The following PJA2 variants were observed in gnomAD, a reference collection of about 807,000 sequenced individuals.
PJA2 encodes praja ring finger ubiquitin ligase 2, also known as E3 ubiquitin-protein ligase Praja-2.
Under a neutral mutation model 69.3 loss-of-function variants are expected in PJA2, and 25 were observed. The ratio of observed to expected loss-of-function variants is 0.36; its 90% CI spans 0.26 to 0.50. The LOEUF (loss-of-function observed/expected upper bound fraction) is 0.50. Ranked by LOEUF, PJA2 falls within the 20% of genes least tolerant of loss-of-function variation. The pLI is 0.96. For missense variants in PJA2, 809 were observed against 830.2 expected, an observed-to-expected ratio of 0.97 and a Z score of 0.31; for synonymous variants, 308 against 277.8, an observed-to-expected ratio of 1.11 and a Z score of -1.08.
At position 109,342,587 on chromosome 5, in the gene PJA2, G is replaced by A. The variant is rs1347337392; in HGVS notation, c.2001+1603C>T. 1.3e-4 allele frequency among the ~76,000 whole-genome samples: 11 copies of A among 84,166 alleles called. No homozygotes were observed. In the South Asian group the frequency reaches 3.2e-3, roughly 24 times the overall value. The allele number at this position is 84,166 out of a possible 152,430, so 55.2% of individuals were successfully genotyped here. ...CGGGAGGTGAGGGGCGCCTCTGCCCGGCCGCCCCTACTGGGAAGTGAGGAG... is the reference window on the plus strand; with the variant it reads ...CGGGAGGTGAGGGGCGCCTCTGCCCAGCCGCCCCTACTGGGAAGTGAGGAG... On this transcript the variant is annotated intron_variant, in intron 9 of 9. Transcript: ENST00000361189.
intron 6 of PJA2, among the ~76,000 whole-genome samples, 177 bp downstream of exon 6, chr5:109,362,663 G>C (rs1488747495): frequency 6.6e-6 from 1 of 152,226 alleles, no homozygotes; most frequent in Non-Finnish European, 1.5e-5. Context: ...TCACTGACTG[G>C]AGGAAGTAGG....
intron 1 of PJA2, among the ~76,000 whole-genome samples, chr5:109,391,393 C>T (rs1171925075): frequency 6.6e-6 from 1 of 152,112 alleles, no homozygotes; most frequent in African/African-American, 2.4e-5. Context: ...TATGAGTCTG[C>T]TGGTGACAAC....
intron 1 of PJA2, among the ~76,000 whole-genome samples, chr5:109,401,429 C>T (rs558275729): frequency 3.3e-5 from 5 of 152,080 alleles, no homozygotes; most frequent in Non-Finnish European, 7.4e-5. Flanking sequence ...CACTGCACTC[C>T]ACTTGGGCAA....
chr5:109,397,555 A>C (rs2963025), intron 1 of PJA2, among the ~76,000 whole-genome samples: 112,356 of 151,664 alleles, frequency 0.74, 42,289 homozygotes, highest in African/African-American at 0.82. Context: ...GTCTCGTTCT[A>C]TTGCCCAGAC....
intron 7 of PJA2, among the ~76,000 whole-genome samples, chr5:109,352,828 T>C (rs1349808751): frequency 2.7e-5 from 4 of 150,840 alleles, no homozygotes; most frequent in African/African-American, 4.9e-5. Flanking sequence ...ATAATATCTA[T>C]AGACATCTAT....
At chr5:109,388,177 T>G (rs895845365) in intron 1 of PJA2, among the ~76,000 whole-genome samples, 1 of 152,126 alleles carries the variant, frequency 6.6e-6, no homozygotes, top group African/African-American at 2.4e-5. Flanking sequence ...AGAAACCAGC[T>G]GCCACATCAT....
At chr5:109,360,327 A>G (rs1762486273) in intron 6 of PJA2, among the ~76,000 whole-genome samples, 1 of 152,202 alleles carries the variant, frequency 6.6e-6, no homozygotes, top group African/African-American at 2.4e-5. Flanking sequence ...GCTATCAGGT[A>G]CTCTTGAGTA....
intron 4 of PJA2, among the ~76,000 whole-genome samples, chr5:109,369,083 G>C (rs1762630843): frequency 6.6e-6 from 1 of 152,090 alleles, no homozygotes; most frequent in South Asian, 2.1e-4. Context: ...ATTCCACCAT[G>C]ATTGGAAGCT....
chr5:109,401,516 C>A lies in PJA2; in HGVS notation c.-88+8326G>T, dbSNP rs191097093. On this transcript the variant is annotated intron_variant, in intron 1 of 9. Transcript: ENST00000361189. ...AACCACTGATAAAACATATTTGATA[C>A]TGACAGCAGAAAAAAGGAACTAAAT... is the stretch of plus-strand genomic sequence containing the variant. Among the ~76,000 whole-genome samples the A allele has an allele frequency of 4.6e-5, 7 of 152,140 alleles. No homozygotes were observed. In the East Asian group the frequency reaches 1.3e-3, roughly 29 times the overall value.
At chr5:109,367,713 C>T (rs1394570546) in intron 5 of PJA2, among the ~76,000 whole-genome samples, 1 of 152,104 alleles carries the variant, frequency 6.6e-6, no homozygotes, top group African/African-American at 2.4e-5. Flanking sequence ...AATCCAGCAG[C>T]CCATTAAAAT....
intron 7 of PJA2, among the ~76,000 whole-genome samples, chr5:109,345,480 C>T (rs1395332859): frequency 6.9e-6 from 1 of 145,984 alleles, no homozygotes; most frequent in East Asian, 2.0e-4. Context: ...TCACCATGCA[C>T]TCCAGCCTGG....
intron 4 of PJA2, among the ~76,000 whole-genome samples, chr5:109,375,819 A>G (rs2127004910): frequency 6.6e-6 from 1 of 152,322 alleles, no homozygotes; most frequent in African/African-American, 2.4e-5. Flanking sequence ...AGGAGTGTAC[A>G]GCTATTAAAT....
At chr5:109,376,987 A>C (rs1430888559) in intron 4 of PJA2, among the ~76,000 whole-genome samples, 1 of 152,184 alleles carries the variant, frequency 6.6e-6, no homozygotes. Context: ...TTCTGTTTTT[A>C]GAAGTGTGGA....
At chr5:109,390,448 T>C (rs1460772968) in intron 1 of PJA2, among the ~76,000 whole-genome samples, 2 of 152,058 alleles carry the variant, frequency 1.3e-5, no homozygotes, top group African/African-American at 4.8e-5. Flanking sequence ...CATCTTTTCA[T>C]TTTACCTGTG....
At position 109,400,483 on chromosome 5, in the gene PJA2, GGGA is replaced by G. The variant is rs1209631883; in HGVS notation, c.-88+9356_-88+9358del. Among the ~76,000 whole-genome samples, 13 of 149,304 alleles carry G rather than the reference GGGA, an allele frequency of 8.7e-5. 1 individual carries two copies. The highest frequency in any genetic ancestry group is 6.7e-4 in the Admixed American group (10 of 15,036). On this transcript the variant is annotated intron_variant, in intron 1 of 9. Coordinates refer to ENST00000361189, the MANE Select transcript of PJA2 (RefSeq NM_014819.5). Reference sequence around the variant, plus strand: ...CACAAAAAGAGAGCAAACCAGCAGGGGGAGGGGGGGGAAGGGCGGGGGGGTGTC... The same window carrying G: ...CACAAAAAGAGAGCAAACCAGCAGGGGGGGGGGGAAGGGCGGGGGGGTGTC...
chr5:109,399,092 T>G (rs1213765732), intron 1 of PJA2, among the ~76,000 whole-genome samples: 1 of 151,528 alleles, frequency 6.6e-6, no homozygotes, highest in Non-Finnish European at 1.5e-5. Context: ...ATGGCTGTAA[T>G]CCCAGCTGCT....
intron 5 of PJA2, among the ~76,000 whole-genome samples, chr5:109,367,059 G>A (rs986672942): frequency 2.0e-5 from 3 of 151,080 alleles, no homozygotes; most frequent in Non-Finnish European, 4.4e-5. Context: ...TTGAACCTGG[G>A]AGATGGAGGT....
chr5:109,342,378 G>C (rs112782546), intron 9 of PJA2, among the ~76,000 whole-genome samples: 2 of 126,950 alleles, frequency 1.6e-5, no homozygotes, highest in Admixed American at 7.6e-5. Flanking sequence ...AGGGAGGTGG[G>C]GGGGTCGGCC....
intron 1 of PJA2, among the ~76,000 whole-genome samples, chr5:109,406,887 C>A (rs901226911): frequency 1.3e-5 from 2 of 152,140 alleles, no homozygotes; most frequent in African/African-American, 4.8e-5. Context: ...TACAGAAAAA[C>A]ATGGATAATC....
Sources: allele counts gnomAD v4.1 joint callset (sites outside exome capture counted in the v4.1 genomes callset), GRCh38; gene constraint gnomAD v4.1.1; transcripts MANE v1.5; gene names NCBI Gene and HGNC (gene_info 2026-07-23, HGNC 2026-07-21).